EFTUD2: variants seen among roughly 807,000 people sequenced by gnomAD.
The protein encoded by EFTUD2 is elongation factor Tu GTP binding domain containing 2.
In EFTUD2, 9 loss-of-function variants were observed where a neutral mutation model predicts 114.3. The ratio of observed to expected loss-of-function variants is 0.08; its 90% CI spans 0.05 to 0.14. The LOEUF is 0.14. EFTUD2 is among the 10% of genes least tolerant of loss of function. The pLI, the probability that EFTUD2 is intolerant of heterozygous loss-of-function variation, is 1.00. For synonymous variants in EFTUD2, 449 were observed against 462.3 expected (o/e 0.97, Z 0.37); for missense variants, 765 against 1,241.2 (o/e 0.62, Z 5.76).
intron 15 of EFTUD2, 37 bp downstream of exon 15, chr17:44,863,618 A>T: frequency 6.2e-7 from 1 of 1,600,256 alleles, no homozygotes; most frequent in Non-Finnish European, 8.5e-7. Context: ...GGAAGGGGAA[A>T]AAAAGACCAG....
rs779797291 is a variant in EFTUD2 at position 44,886,741 on chromosome 17, C to G, written c.115G>C (p.Asp39His). 1.9e-5 allele frequency: 30 copies of G among 1,613,336 alleles called. No individual in the cohort carries two copies. Among genetic ancestry groups the G allele is most frequent in the African/African-American group, 2.7e-5 (2 of 74,910 alleles). The change falls in exon 3 of 28, where the codon GAT becomes CAT. Residue 39 changes from aspartate to histidine, a missense_variant. By Grantham distance (81) the Asp-to-His change is moderately conservative (BLOSUM62 -1). This residue lies in a region of EFTUD2 where 121 missense variants were observed against 133.7 expected (regional missense o/e 0.90). Transcript: ENST00000426333. The stretch of plus-strand genomic sequence containing the variant: ...TCTCCTACGTCATCGTCGTCGTCAT[C>G]ATCATCCATCTGAAAGCAAGAGGGA... ...ETKDLDEMDD[D>H]DDDDDVGDHD...
Position 44,863,699 on chromosome 17 carries a change from C to A in EFTUD2, c.1369G>T (p.Val457Leu), listed in dbSNP as rs1353229584. The A allele has an allele frequency of 3.1e-6, 5 of 1,614,052 alleles. No individual in the cohort carries two copies. The Admixed American group carries it at 8.3e-5, about 27-fold the overall frequency. ...ATAGCCTCGCCGAGGTCGGAGTCCA[C>A]ACCACCGGTGTAGGTGTGCTCAATC... ...PKIEHTYTGG[V>L]DSDLGEAMSD... Residue 457 changes from valine (V) to leucine (L), a missense_variant, in exon 15 of 28, where the codon GTG (valine) becomes TTG (leucine). Val to Leu is a conservative substitution (Grantham distance 32). This residue lies in a region of EFTUD2 where 59 missense variants were observed against 50.1 expected (regional missense o/e 1.18). Coordinates refer to ENST00000426333, the MANE Select transcript of EFTUD2 (RefSeq NM_004247.4).
rs1276696232 is a variant in EFTUD2, at chr17:44,866,856, C to A, written c.1149+951G>T. Among the ~76,000 whole-genome samples the A allele has an allele frequency of 2.6e-5, 4 of 152,136 alleles. No homozygotes were observed. In the East Asian group the frequency reaches 5.8e-4, roughly 22 times the overall value. ...GGTGGACTCCTGCCTGTAAGCCCAG[C>A]ACTTTGGGAGGCCAAGGCAGGAGGA... On this transcript the variant is annotated intron_variant, in intron 13 of 27. Transcript: ENST00000426333.
rs2050512769 is a variant in EFTUD2, at chr17:44,854,544, G to A, written c.2259+12C>T. Reference sequence around the variant, plus strand: ...AGAGACCGCCACCCAGTTCCCATCAGTTCTGCTGTACCTCAGAGGGCAGAG... The same window carrying A: ...AGAGACCGCCACCCAGTTCCCATCAATTCTGCTGTACCTCAGAGGGCAGAG... On this transcript the variant is annotated intron_variant, in intron 22 of 27. Coordinates refer to ENST00000426333, the MANE Select transcript of EFTUD2 (RefSeq NM_004247.4). The surrounding 1 kb of genome is among the most constrained non-coding windows in gnomAD (Gnocchi z 4.3). 6.2e-7 allele frequency: 1 copy of A among 1,612,462 alleles called. No individual in the cohort carries two copies. The highest frequency in any genetic ancestry group is 8.5e-7 in the Non-Finnish European group (1 of 1,178,966).
intron 2 of EFTUD2, chr17:44,891,784 A>T (rs2051284499): frequency 6.6e-6 from 1 of 152,156 alleles, no homozygotes; most frequent in Non-Finnish European, 1.5e-5. Context: ...CATCACCACG[A>T]TCAATTTTAG....
Position 44,860,038 on chromosome 17 carries a change from A to C in EFTUD2, c.1727T>G (p.Ile576Ser), listed in dbSNP as rs1287907169. 6.2e-7 allele frequency: 1 copy of C among 1,614,202 alleles called. No individual in the cohort carries two copies. The highest frequency in any genetic ancestry group is 2.2e-5 in the East Asian group (1 of 44,880). ...GGTATTGAACTTCAAGGGTCGGAAA[A>C]TCTGAGCCTGAGATCCAAAGCACAA... Reference protein sequence around the residue: ...TEPRGNEEAQIFRPLKFNTTS... With the variant: ...TEPRGNEEAQSFRPLKFNTTS... Residue 576 changes from isoleucine (I) to serine (S), a missense_variant, in exon 18 of 28, where the codon ATT becomes AGT. Ile to Ser is a moderately radical substitution (Grantham distance 142). Coordinates refer to ENST00000426333, the MANE Select transcript of EFTUD2 (RefSeq NM_004247.4).
chr17:44,895,297 A>G (rs1014599730), intron 1 of EFTUD2, among the ~76,000 whole-genome samples: 2 of 152,272 alleles, frequency 1.3e-5, no homozygotes, highest in Admixed American at 6.5e-5. Context: ...GGAGTTCGAG[A>G]CCAGCCTGGC....
In EFTUD2 at chr17:44,852,481, A is replaced by C. The variant is rs1482963783; in HGVS notation, c.2643T>G (p.Phe881Leu). The change falls in exon 26 of 28, where the codon TTT becomes TTG. Residue 881 changes from phenylalanine (F) to leucine (L), a missense_variant. Physicochemically the swap from Phe to Leu is conservative, Grantham distance 22. Coordinates refer to ENST00000426333, the MANE Select transcript of EFTUD2 (RefSeq NM_004247.4). ...GAGTCCGGAGATCAGTCTCAAAGCC[A>C]AAAGAGTCGATGGCCGGGATAAAAG... ...IKAFIPAIDS[F>L]GFETDLRTHT... 6.2e-7 allele frequency: 1 copy of C among 1,614,050 alleles called. No individual in the cohort carries two copies. Among genetic ancestry groups the C allele is most frequent in the East Asian group, 2.2e-5 (1 of 44,898 alleles).
intron 3 of EFTUD2, 138 bp downstream of exon 3, chr17:44,886,447 T>C (rs1268968867): frequency 6.9e-7 from 1 of 1,443,468 alleles, no homozygotes; most frequent in African/African-American, 1.4e-5. Context: ...ATTAACTAAA[T>C]CTTAAACCAG....
At chr17:44,856,686 T>C (rs549742639) in intron 20 of EFTUD2, among the ~76,000 whole-genome samples, 1 of 151,102 alleles carries the variant, frequency 6.6e-6, no homozygotes, top group South Asian at 2.1e-4. Context: ...TGGCCTGGTG[T>C]GTGCCCATAG....
At chr17:44,863,162 T>C (rs2050688271) in intron 15 of EFTUD2, 2 of 372,362 alleles carry the variant, frequency 5.4e-6, no homozygotes, top group East Asian at 4.2e-5. Flanking sequence ...AGATTTAAGA[T>C]AGCAGAGAGG....
At chr17:44,883,294 A>G in intron 5 of EFTUD2, 136 bp from the exon 6 acceptor site, 1 of 694,412 alleles carries the variant, frequency 1.4e-6, no homozygotes, top group South Asian at 1.9e-5. Context: ...TGGGACAGCA[A>G]ATAATTAACA....
chr17:44,863,001 T>C, intron 15 of EFTUD2, 95 bp from the exon 16 acceptor site: 2 of 1,018,710 alleles, frequency 2.0e-6, no homozygotes, highest in Non-Finnish European at 2.9e-6. Flanking sequence ...ACATGAGCTC[T>C]ATGAGGAGCT....
intron 16 of EFTUD2, among the ~76,000 whole-genome samples, chr17:44,861,415 A>C (rs1048988224): frequency 7.3e-6 from 1 of 136,118 alleles, no homozygotes; most frequent in Non-Finnish European, 1.5e-5. Context: ...ATTGCACTCC[A>C]GCCTGGCTGA....
At chr17:44,877,606 G>GACC (rs2050988725) in intron 9 of EFTUD2, among the ~76,000 whole-genome samples, 1 of 152,158 alleles carries the variant, frequency 6.6e-6, no homozygotes, top group African/African-American at 2.4e-5. Flanking sequence ...AGGAGTTCAA[G>GACC]ACCAGCCTGA....
chr17:44,875,761 G>T, intron 10 of EFTUD2, 173 bp downstream of exon 10: 1 of 672,580 alleles, frequency 1.5e-6, no homozygotes, highest in Non-Finnish European at 2.6e-6. Context: ...GTAAAATGAA[G>T]ATGTGTTAAA....
At chr17:44,851,643 G>A (rs2050451838) in intron 27 of EFTUD2, 67 bp downstream of exon 27, 1 of 1,426,194 alleles carries the variant, frequency 7.0e-7, no homozygotes, top group Non-Finnish European at 9.4e-7. Flanking sequence ...AAAAGAAAGA[G>A]AGAGAGATCC....
At chr17:44,898,239 CAG>C (rs1567759705) in intron 1 of EFTUD2, among the ~76,000 whole-genome samples, 1 of 152,064 alleles carries the variant, frequency 6.6e-6, no homozygotes, top group African/African-American at 2.4e-5. Context: ...TTTTTTGAGA[CAG>C]AGTTTTGCTC....
intron 14 of EFTUD2, 138 bp downstream of exon 14, chr17:44,864,792 G>A: frequency 7.6e-7 from 1 of 1,319,346 alleles, no homozygotes; most frequent in African/African-American, 1.5e-5. Flanking sequence ...AAACACCAGT[G>A]TTCTGCATCT....
Sources: allele counts gnomAD v4.1 joint callset (sites outside exome capture counted in the v4.1 genomes callset), GRCh38; gene constraint gnomAD v4.1.1; regional missense constraint gnomAD v4.1.1; non-coding constraint Gnocchi (gnomAD v3.1); transcripts MANE v1.5; gene names NCBI Gene and HGNC (gene_info 2026-07-23, HGNC 2026-07-21).